Variants in ELAPOR1 observed in about 807,000 individuals in gnomAD.
ELAPOR1 encodes endosome/lysosome-associated apoptosis and autophagy regulator 1.
Under a neutral mutation model 119.7 loss-of-function variants are expected in ELAPOR1, and 77 were observed. The observed-to-expected ratio is 0.64, with a 90% CI of 0.54 to 0.78. The LOEUF (loss-of-function observed/expected upper bound fraction) is 0.78, where lower values mean the gene tolerates loss of function less well. Among genes scored for constraint, ELAPOR1 ranks in the 30% least tolerant of loss-of-function variants. ELAPOR1 has a pLI of 0.00. For synonymous variants in ELAPOR1, 481 were observed against 487.2 expected (o/e 0.99, Z 0.17); for missense variants, 1,115 against 1,270.4 (o/e 0.88, Z 1.86).
chr1:109,189,195 G>A lies in ELAPOR1; in HGVS notation c.1348+1G>A. The A allele has an allele frequency of 6.2e-7, 1 of 1,613,276 alleles. No individual in the cohort carries two copies. Among genetic ancestry groups the A allele is most frequent in the Non-Finnish European group, 8.5e-7 (1 of 1,179,606 alleles). ...AACTTCGAGTACAAGGGCATGACAG[G>A]TAATTGCCTCTCCCTGTGCCATGAG... On this transcript the variant is annotated splice_donor_variant, in intron 10 of 21. Transcript: ENST00000369939. LOFTEE classifies it high-confidence loss of function.
intron 1 of ELAPOR1, among the ~76,000 whole-genome samples, chr1:109,147,882 T>C (rs919852511): frequency 6.6e-6 from 1 of 151,812 alleles, no homozygotes; most frequent in Admixed American, 6.6e-5. Flanking sequence ...CAGGCTGGAG[T>C]TCAGTGGCAC....
At chr1:109,115,835 A>G (rs531315935) in intron 1 of ELAPOR1, among the ~76,000 whole-genome samples, 1 of 152,258 alleles carries the variant, frequency 6.6e-6, no homozygotes, top group South Asian at 2.1e-4. Flanking sequence ...GGCCATCTAC[A>G]TTTCCACCTA....
At chr1:109,159,596 T>A (rs1651119141) in intron 1 of ELAPOR1, among the ~76,000 whole-genome samples, 1 of 152,172 alleles carries the variant, frequency 6.6e-6, no homozygotes, top group African/African-American at 2.4e-5. Context: ...CCTGTGTGAG[T>A]CTGTGTTTGG....
chr1:109,117,434 A>G (rs926675410), intron 1 of ELAPOR1, among the ~76,000 whole-genome samples: 7 of 152,350 alleles, frequency 4.6e-5, no homozygotes, highest in Admixed American at 6.5e-5. Flanking sequence ...CTGAGGCTCC[A>G]GGGCTAATTG....
Position 109,173,715 on chromosome 1 carries a change from C to T in ELAPOR1, c.830C>T (p.Pro277Leu). Reference protein sequence around the residue: ...TGVAYTSECFPCKPGTYADKQ... With the variant: ...TGVAYTSECFLCKPGTYADKQ... ...GTGGCCTACACTTCAGAATGCTTCC[C>T]CTGCAAACCTGGCACGTATGCAGAC... Residue 277 changes from proline to leucine, a missense_variant, in exon 7 of 22, where the codon CCC becomes CTC. Physicochemically the swap from Pro to Leu is moderately conservative, Grantham distance 98. Coordinates refer to ENST00000369939, the MANE Select transcript of ELAPOR1 (RefSeq NM_020775.5). The T allele has an allele frequency of 6.2e-7, 1 of 1,614,164 alleles. No individual in the cohort carries two copies.
intron 21 of ELAPOR1, among the ~76,000 whole-genome samples, chr1:109,202,590 G>C (rs1006995197): frequency 1.3e-5 from 2 of 150,850 alleles, no homozygotes; most frequent in Non-Finnish European, 2.9e-5. Flanking sequence ...ATAGGCGCCT[G>C]CCACCATGCC....
At position 109,197,589 on chromosome 1, in the gene ELAPOR1, C is replaced by A. The variant is rs771181312; in HGVS notation, c.2237C>A (p.Pro746Gln). The part of the protein sequence containing the change: ...AYVCQAVIIP[P>Q]EVTGYKAGVS... Reference sequence around the variant, plus strand: ...GTCTGCCAGGCAGTCATCATCCCCCCAGAGGTGACAGGCTACAAGGCCGGG... The same window carrying A: ...GTCTGCCAGGCAGTCATCATCCCCCAAGAGGTGACAGGCTACAAGGCCGGG... Residue 746 changes from proline to glutamine, a missense_variant, in exon 16 of 22, where the codon CCA becomes CAA. By Grantham distance (76) the Pro-to-Gln change is moderately conservative. Coordinates refer to ENST00000369939, the MANE Select transcript of ELAPOR1 (RefSeq NM_020775.5). 5 of 1,614,098 alleles carry A rather than the reference C, an allele frequency of 3.1e-6. No homozygotes were observed. Among genetic ancestry groups the A allele is most frequent in the Non-Finnish European group, 3.4e-6 (4 of 1,180,046 alleles).
chr1:109,184,824 C>T (rs773939343), intron 7 of ELAPOR1, among the ~76,000 whole-genome samples: 3 of 152,224 alleles, frequency 2.0e-5, no homozygotes, highest in African/African-American at 4.8e-5. Flanking sequence ...GGTTTCTCAT[C>T]AGCACCTGGA....
chr1:109,187,873 T>C (rs1383186506), intron 8 of ELAPOR1: 5 of 1,088,164 alleles, frequency 4.6e-6, no homozygotes, highest in Admixed American at 5.1e-5. Context: ...GATTCTACAG[T>C]GGAATCGGAG....
chr1:109,128,189 T>A (rs1570608343), intron 1 of ELAPOR1, among the ~76,000 whole-genome samples: 2 of 152,216 alleles, frequency 1.3e-5, no homozygotes, highest in East Asian at 3.9e-4. Context: ...AAGGCACTTT[T>A]AAAAGATCCA....
At chr1:109,158,870 T>C (rs764575860) in intron 1 of ELAPOR1, among the ~76,000 whole-genome samples, 2 of 151,696 alleles carry the variant, frequency 1.3e-5, no homozygotes, top group Non-Finnish European at 2.9e-5. Context: ...ATCCCTGGTT[T>C]AACTCTCTCT....
chr1:109,164,765 C>T, intron 3 of ELAPOR1, 74 bp downstream of exon 3: 1 of 1,389,328 alleles, frequency 7.2e-7, no homozygotes, highest in Non-Finnish European at 9.9e-7. Flanking sequence ...GGACAGCCTC[C>T]TCCGCTGCCC....
chr1:109,117,781 T>G (rs574298708), intron 1 of ELAPOR1, among the ~76,000 whole-genome samples: 95 of 152,150 alleles, frequency 6.2e-4, no homozygotes, highest in Admixed American at 1.5e-3. Flanking sequence ...AAGATTAACA[T>G]GTGGTAAACA....
intron 15 of ELAPOR1, among the ~76,000 whole-genome samples, chr1:109,195,166 C>T (rs575250006): frequency 8.6e-5 from 13 of 151,582 alleles, no homozygotes; most frequent in Non-Finnish European, 1.5e-4. Context: ...TTTTACCTGA[C>T]CTTTATTTCC....
chr1:109,157,107 A>G lies in ELAPOR1; in HGVS notation c.154-4787A>G, dbSNP rs201644788. Among the ~76,000 whole-genome samples, 8 of 152,176 alleles carry G rather than the reference A, an allele frequency of 5.3e-5. No individual in the cohort carries two copies. In the East Asian group the frequency reaches 1.5e-3, roughly 29 times the overall value. Reference sequence around the variant, plus strand: ...GCCTTGTTTGCAAAATTTTTTATCTACTTGGCTTTCCTTGCAGTTTTTAGC... The same window carrying G: ...GCCTTGTTTGCAAAATTTTTTATCTGCTTGGCTTTCCTTGCAGTTTTTAGC... On this transcript the variant is annotated intron_variant, in intron 1 of 21. Transcript: ENST00000369939.
At chr1:109,129,283 G>A (rs1648988621) in intron 1 of ELAPOR1, among the ~76,000 whole-genome samples, 1 of 152,180 alleles carries the variant, frequency 6.6e-6, no homozygotes, top group Non-Finnish European at 1.5e-5. Context: ...GCCTAGGCGG[G>A]TGGATAACCT....
chr1:109,156,320 T>G (rs1311637031), intron 1 of ELAPOR1, among the ~76,000 whole-genome samples: 1 of 152,108 alleles, frequency 6.6e-6, no homozygotes, highest in East Asian at 1.9e-4. Flanking sequence ...AAAATAAAAT[T>G]GTGGTAAAAT....
At chr1:109,123,026 G>A (rs1648546069) in intron 1 of ELAPOR1, among the ~76,000 whole-genome samples, 1 of 152,166 alleles carries the variant, frequency 6.6e-6, no homozygotes, top group African/African-American at 2.4e-5. Context: ...CCCTTGTTTA[G>A]CCCACAATCC....
intron 1 of ELAPOR1, among the ~76,000 whole-genome samples, chr1:109,154,294 A>G (rs574068778): frequency 0.013 from 1,955 of 151,854 alleles, 20 homozygotes; most frequent in Admixed American, 0.02. Context: ...AAAAAAAAAA[A>G]AAAAAAAAAG....
Sources: allele counts gnomAD v4.1 joint callset (sites outside exome capture counted in the v4.1 genomes callset), GRCh38; gene constraint gnomAD v4.1.1; transcripts MANE v1.5; gene names NCBI Gene and HGNC (gene_info 2026-07-23, HGNC 2026-07-21).